Variants in GATA4 observed in about 807,000 individuals in gnomAD.
The protein encoded by GATA4 is transcription factor GATA-4.
GATA4 carries 7 observed loss-of-function variants against 37.9 expected under a neutral mutation model. The ratio of observed to expected loss-of-function variants is 0.18; its 90% CI spans 0.11 to 0.35. GATA4 has a LOEUF of 0.35. Among genes scored for constraint, GATA4 ranks in the 10% least tolerant of loss-of-function variants. The pLI is 1.00. For missense variants in GATA4, 647 were observed against 653.0 expected, an observed-to-expected ratio of 0.99 and a Z score of 0.10; for synonymous variants, 372 against 292.6, an observed-to-expected ratio of 1.27 and a Z score of -2.77.
Position 11,721,833 on chromosome 8 carries a change from A to G in GATA4, c.616+12905A>G, listed in dbSNP as rs924069383. ...ACAATATAGATAATTACAGGGGACAATACTATGATGCAAGGATGGATTGCC... is the reference window on the plus strand; with the variant it reads ...ACAATATAGATAATTACAGGGGACAGTACTATGATGCAAGGATGGATTGCC... On this transcript the variant is annotated intron_variant, in intron 2 of 6. Transcript: ENST00000532059. Among the ~76,000 whole-genome samples the G allele has an allele frequency of 2.0e-5, 3 of 152,308 alleles. No individual in the cohort carries two copies. In the East Asian group the frequency reaches 5.8e-4, roughly 29 times the overall value.
At chr8:11,712,672 A>T (rs1308308926) in intron 2 of GATA4, among the ~76,000 whole-genome samples, 1 of 148,862 alleles carries the variant, frequency 6.7e-6, no homozygotes, top group Non-Finnish European at 1.5e-5. Flanking sequence ...CCTGGACAAC[A>T]TAGTGAGACC....
At chr8:11,681,422 G>A in intron 1 of GATA4, 1 of 985,184 alleles carries the variant, frequency 1.0e-6, no homozygotes. Flanking sequence ...TCAACTCGGG[G>A]GCCGTAGCTA....
intron 1 of GATA4, chr8:11,692,832 G>C (rs898001026): frequency 3.1e-6 from 3 of 981,768 alleles, no homozygotes; most frequent in African/African-American, 1.8e-5. Flanking sequence ...GGGCAGAGGC[G>C]GGGGCGGCCG....
intron 2 of GATA4, among the ~76,000 whole-genome samples, chr8:11,748,444 G>T (rs1254696532): frequency 6.6e-6 from 1 of 152,080 alleles, no homozygotes; most frequent in African/African-American, 2.4e-5. Flanking sequence ...AGAACCAAAT[G>T]CTCAAAACAT....
chr8:11,706,819 C>A (rs1241363065), intron 1 of GATA4, among the ~76,000 whole-genome samples: 3 of 152,050 alleles, frequency 2.0e-5, no homozygotes, highest in Non-Finnish European at 4.4e-5. Context: ...TTCCAGTGCT[C>A]CAGTTCCCTC....
upstream of GATA4, among the ~76,000 whole-genome samples, chr8:11,702,514 G>T (rs1477600223): frequency 2.0e-5 from 3 of 151,472 alleles, no homozygotes; most frequent in Admixed American, 6.6e-5. The surrounding 1 kb of genome is among the most constrained non-coding windows in gnomAD (Gnocchi z 4.4). Flanking sequence ...GGAGCAGGGA[G>T]TCTGCTTCCT....
At chr8:11,729,986 C>T (rs1013452787) in intron 2 of GATA4, among the ~76,000 whole-genome samples, 3 of 152,054 alleles carry the variant, frequency 2.0e-5, no homozygotes, top group Non-Finnish European at 4.4e-5. Context: ...AGTGCAGTGG[C>T]GTGATCATGG....
At chr8:11,714,175 T>G (rs945742166) in intron 2 of GATA4, among the ~76,000 whole-genome samples, 1 of 152,232 alleles carries the variant, frequency 6.6e-6, no homozygotes, top group East Asian at 1.9e-4. Context: ...TTTTGTGTAA[T>G]GGAGACATAA....
At chr8:11,718,629 A>G (rs2130129824) in intron 2 of GATA4, among the ~76,000 whole-genome samples, 1 of 152,372 alleles carries the variant, frequency 6.6e-6, no homozygotes, top group Middle Eastern at 3.4e-3. Context: ...CGATTCTTCC[A>G]GGCAGATCAA....
At chr8:11,719,754 A>T (rs1800587026) in intron 2 of GATA4, among the ~76,000 whole-genome samples, 1 of 152,200 alleles carries the variant, frequency 6.6e-6, no homozygotes. Flanking sequence ...AAAATTAGTG[A>T]CCCAGATTGG....
chr8:11,703,422 G>A (rs779644146), upstream of GATA4, among the ~76,000 whole-genome samples: 26 of 152,098 alleles, frequency 1.7e-4, no homozygotes, highest in African/African-American at 6.3e-4. Context: ...CCCTGGAAGA[G>A]CCCCCTCCAT....
In GATA4 at chr8:11,749,940, C is replaced by T. The variant is rs535753713; in HGVS notation, c.787-171C>T. 4.6e-5 allele frequency among the ~76,000 whole-genome samples: 7 copies of T among 152,342 alleles called. No individual in the cohort carries two copies. The highest frequency in any genetic ancestry group is 1.9e-4 in the East Asian group (1 of 5,186). On this transcript the variant is annotated intron_variant, in intron 3 of 6. Coordinates refer to ENST00000532059, the MANE Select transcript of GATA4 (RefSeq NM_001308093.3). The surrounding 1 kb of genome is among the most constrained non-coding windows in gnomAD (Gnocchi z 4.6). ...TGTTCTGATTTATTCCTCGCAGTGG[C>T]GCAGGTGACAGGAGAGTTAGGTGCC... is the stretch of plus-strand genomic sequence containing the variant.
intron 2 of GATA4, among the ~76,000 whole-genome samples, chr8:11,742,942 G>A (rs757289401): frequency 1.6e-4 from 24 of 152,236 alleles, no homozygotes; most frequent in Non-Finnish European, 3.4e-4. Flanking sequence ...ACGGTTTCTG[G>A]GCAGGTCCCT....
At chr8:11,719,584 A>G (rs1337478066) in intron 2 of GATA4, among the ~76,000 whole-genome samples, 1 of 152,226 alleles carries the variant, frequency 6.6e-6, no homozygotes, top group African/African-American at 2.4e-5. Flanking sequence ...AAACCAATGT[A>G]AAAATAATTG....
At chr8:11,727,950 C>T (rs1801014999) in intron 2 of GATA4, among the ~76,000 whole-genome samples, 1 of 152,170 alleles carries the variant, frequency 6.6e-6, no homozygotes, top group Non-Finnish European at 1.5e-5. Flanking sequence ...AAGCATAGTA[C>T]TCGGCATGTA....
Position 11,681,382 on chromosome 8 carries a change from C to G in GATA4, c.-274+4319C>G, listed in dbSNP as rs539720817. The G allele has an allele frequency of 4.9e-5, 48 of 985,362 alleles. No homozygotes were observed. In the African/African-American group the frequency reaches 7.3e-4, roughly 15 times the overall value. 61.0% of individuals were successfully genotyped at this position (985,362 alleles called of 1,614,324 possible). A position where few individuals can be genotyped will look rare whatever the true frequency, so the allele number is the denominator to read the frequency against. ...GTCCCCCTAGGTCTCATAAAAACTC[C>G]TGGCAGACCCTTCCGGGATCACGCG... On this transcript the variant is annotated intron_variant, in intron 1 of 6. Transcript: ENST00000528712.
At chr8:11,720,043 A>G (rs1021258859) in intron 2 of GATA4, among the ~76,000 whole-genome samples, 8 of 152,056 alleles carry the variant, frequency 5.3e-5, no homozygotes, top group Non-Finnish European at 1.2e-4. Flanking sequence ...CCAAGATCCC[A>G]GCAGCCGCAG....
Position 11,749,759 on chromosome 8 carries a change from C to T in GATA4, c.787-352C>T, listed in dbSNP as rs1054862375. Among the ~76,000 whole-genome samples the T allele has an allele frequency of 4.6e-5, 7 of 152,204 alleles. No individual in the cohort carries two copies. Among genetic ancestry groups the T allele is most frequent in the Admixed American group, 1.3e-4 (2 of 15,274 alleles). ...TGATTCCTCACTCTCTGCCTGCCCC[C>T]GGCACCTGCAGCCCCGGTCAGTTCT... On this transcript the variant is annotated intron_variant, in intron 3 of 6. Coordinates refer to ENST00000532059, the MANE Select transcript of GATA4 (RefSeq NM_001308093.3). This position sits in a 1 kb window ranked among gnomAD's most constrained non-coding sequence, Gnocchi z 4.6.
intron 1 of GATA4, among the ~76,000 whole-genome samples, chr8:11,706,676 G>T (rs1316811744): frequency 6.6e-6 from 1 of 152,124 alleles, no homozygotes; most frequent in South Asian, 2.1e-4. Context: ...AAACTTTGTC[G>T]GGAGTAGTTG....
Sources: allele counts gnomAD v4.1 joint callset (sites outside exome capture counted in the v4.1 genomes callset), GRCh38; gene constraint gnomAD v4.1.1; non-coding constraint Gnocchi (gnomAD v3.1); transcripts MANE v1.5; gene names NCBI Gene and HGNC (gene_info 2026-07-23, HGNC 2026-07-21).